Variants in TRIM33 observed in about 807,000 individuals in gnomAD.
TRIM33 encodes the protein E3 ubiquitin-protein ligase TRIM33.
A neutral mutation model predicts 125.4 loss-of-function variants in TRIM33; 20 were observed. The ratio of observed to expected loss-of-function variants is 0.16; its 90% CI spans 0.11 to 0.23. The LOEUF (loss-of-function observed/expected upper bound fraction) is 0.23. Among genes scored for constraint, TRIM33 ranks in the 10% least tolerant of loss-of-function variants. The pLI, the probability that TRIM33 is intolerant of heterozygous loss-of-function variation, is 1.00. For missense variants in TRIM33, 920 were observed against 1,411.4 expected, an observed-to-expected ratio of 0.65 and a Z score of 5.58; for synonymous variants, 564 against 513.9, an observed-to-expected ratio of 1.10 and a Z score of -1.32.
intron 1 of TRIM33, among the ~76,000 whole-genome samples, chr1:114,505,418 A>G (rs1407708792): frequency 6.6e-6 from 1 of 152,204 alleles, no homozygotes; most frequent in Non-Finnish European, 1.5e-5. Flanking sequence ...GGGCTCAAAC[A>G]GAAGACTCCT....
chr1:114,465,979 G>A (rs11802949), intron 1 of TRIM33, among the ~76,000 whole-genome samples: 3,905 of 151,992 alleles, frequency 0.026, 86 homozygotes, highest in Non-Finnish European at 0.034. Flanking sequence ...GGAGGTGGGG[G>A]TTGCAGTGAG....
At chr1:114,415,569 G>A (rs1652882374) in intron 11 of TRIM33, among the ~76,000 whole-genome samples, 1 of 152,156 alleles carries the variant, frequency 6.6e-6, no homozygotes, top group South Asian at 2.1e-4. Context: ...TCCACAGGCA[G>A]ATGTAGGATC....
intron 1 of TRIM33, among the ~76,000 whole-genome samples, chr1:114,487,429 AC>A (rs1570650616): frequency 6.6e-6 from 1 of 151,846 alleles, no homozygotes; most frequent in East Asian, 1.9e-4. Context: ...TTCAACAAAT[AC>A]CCTTCAGGAA....
At chr1:114,439,242 G>C (rs868421592) in intron 4 of TRIM33, among the ~76,000 whole-genome samples, 7 of 152,222 alleles carry the variant, frequency 4.6e-5, no homozygotes, top group Middle Eastern at 3.4e-3. Flanking sequence ...GGGAGGCCGA[G>C]GTGGGCAGAT....
At chr1:114,418,799 C>A (rs1488300718) in intron 11 of TRIM33, among the ~76,000 whole-genome samples, 2 of 152,108 alleles carry the variant, frequency 1.3e-5, no homozygotes, top group Non-Finnish European at 2.9e-5. Context: ...TCCTGTGGCC[C>A]CACCCAGAAG....
chr1:114,498,852 C>A (rs1188255212), intron 1 of TRIM33, among the ~76,000 whole-genome samples: 1 of 151,818 alleles, frequency 6.6e-6, no homozygotes, highest in African/African-American at 2.4e-5. Context: ...ATGTAAAGTT[C>A]TCTTACTATA....
chr1:114,478,795 C>T (rs1651126339), intron 1 of TRIM33, among the ~76,000 whole-genome samples: 1 of 152,110 alleles, frequency 6.6e-6, no homozygotes, highest in Non-Finnish European at 1.5e-5. Context: ...CTCCTGTAAT[C>T]CCAGCACTTT....
chr1:114,510,674 G>GGCTCTGCAA lies in TRIM33; in HGVS notation c.394_402dup (p.Leu132_Ser134dup). The GGCTCTGCAA allele has an allele frequency of 6.4e-7, 1 of 1,551,040 alleles. No homozygotes were observed. The highest frequency in any genetic ancestry group is 8.7e-7 in the Non-Finnish European group (1 of 1,154,534). On this transcript the variant is annotated inframe_insertion, in exon 1 of 20. Transcript: ENST00000358465. ...AGCAGCTTGGGCTCCGCCTCACGCC[G>GGCTCTGCAA]GCTCTGCAAGCTCTGCTGACACACG...
intron 6 of TRIM33, among the ~76,000 whole-genome samples, chr1:114,429,361 T>C (rs1440273950): frequency 7.4e-6 from 1 of 134,878 alleles, no homozygotes; most frequent in Admixed American, 7.2e-5. Flanking sequence ...CTAATTTTTG[T>C]TTTTTTTTTT....
chr1:114,423,301 ATATC>A (rs1161784090), intron 10 of TRIM33, among the ~76,000 whole-genome samples: 3 of 152,286 alleles, frequency 2.0e-5, no homozygotes, highest in African/African-American at 4.8e-5. Flanking sequence ...AGGCTAATCT[ATATC>A]TATCAAATAA....
At chr1:114,507,503 G>A (rs184718241) in intron 1 of TRIM33, among the ~76,000 whole-genome samples, 3 of 152,320 alleles carry the variant, frequency 2.0e-5, no homozygotes, top group Admixed American at 6.5e-5. Context: ...CACTAGCTAT[G>A]ATCTCCAGAC....
chr1:114,492,550 C>T (rs1014720499), intron 1 of TRIM33, among the ~76,000 whole-genome samples: 2 of 152,114 alleles, frequency 1.3e-5, no homozygotes, highest in Non-Finnish European at 1.5e-5. Context: ...ATTCCTCCCC[C>T]ACTCCCATCC....
At chr1:114,508,204 G>A (rs1208085426) in intron 1 of TRIM33, among the ~76,000 whole-genome samples, 2 of 152,096 alleles carry the variant, frequency 1.3e-5, no homozygotes, top group African/African-American at 4.8e-5. Flanking sequence ...ACTTAAGATT[G>A]ACAGCATTTG....
At chr1:114,421,751 T>G in intron 10 of TRIM33, 115 bp from the exon 11 acceptor site, 7 of 928,244 alleles carry the variant, frequency 7.5e-6, no homozygotes, top group Non-Finnish European at 1.1e-5. Context: ...AAGTGGGCCC[T>G]TTCAAACTTA....
chr1:114,468,401 G>T, intron 1 of TRIM33: 1 of 344,890 alleles, frequency 2.9e-6, no homozygotes, highest in Non-Finnish European at 5.7e-6. Context: ...AGGAGGAAGG[G>T]GATACCCAAA....
intron 12 of TRIM33, among the ~76,000 whole-genome samples, chr1:114,409,908 C>G (rs2101107954): frequency 6.6e-6 from 1 of 152,176 alleles, no homozygotes; most frequent in South Asian, 2.1e-4. Context: ...GAAGACGGAG[C>G]CCTGTTCTCT....
chr1:114,447,880 T>C (rs114335083), intron 4 of TRIM33, among the ~76,000 whole-genome samples: 73 of 152,308 alleles, frequency 4.8e-4, no homozygotes, highest in African/African-American at 1.7e-3. Context: ...TGGTTATTCA[T>C]GACCTTGAAA....
chr1:114,416,608 T>C (rs1301224881), intron 11 of TRIM33, among the ~76,000 whole-genome samples: 3 of 152,128 alleles, frequency 2.0e-5, no homozygotes, highest in East Asian at 3.9e-4. Flanking sequence ...CAAATATATC[T>C]CATATCTACA....
intron 4 of TRIM33, among the ~76,000 whole-genome samples, chr1:114,436,681 T>A (rs895242263): frequency 6.6e-6 from 1 of 151,974 alleles, no homozygotes; most frequent in Non-Finnish European, 1.5e-5. Context: ...GCCGGGCTGA[T>A]CTCAAACTCC....
Sources: allele counts gnomAD v4.1 joint callset (sites outside exome capture counted in the v4.1 genomes callset), GRCh38; gene constraint gnomAD v4.1.1; transcripts MANE v1.5; gene names NCBI Gene and HGNC (gene_info 2026-07-23, HGNC 2026-07-21).